Variants in TOPORS observed in about 807,000 individuals in gnomAD.
The protein encoded by TOPORS is E3 ubiquitin-protein ligase Topors.
In TOPORS, 25 loss-of-function variants were observed where a neutral mutation model predicts 81.4. The ratio of observed to expected loss-of-function variants is 0.31; its 90% CI spans 0.22 to 0.43. The LOEUF (loss-of-function observed/expected upper bound fraction) is 0.43, where lower values mean the gene tolerates loss of function less well. Among genes scored for constraint, TOPORS ranks in the 20% least tolerant of loss-of-function variants. The pLI is 1.00. For missense variants in TOPORS, 1,101 were observed against 1,267.0 expected, an observed-to-expected ratio of 0.87 and a Z score of 1.99; for synonymous variants, 473 against 456.6, an observed-to-expected ratio of 1.04 and a Z score of -0.46.
rs1179741418 is a variant in TOPORS at position 32,541,937 on chromosome 9, C to T, written c.2588G>A (p.Arg863Gln). The T allele has an allele frequency of 1.9e-6, 3 of 1,613,326 alleles. No individual in the cohort carries two copies. The highest frequency in any genetic ancestry group is 2.2e-5 in the East Asian group (1 of 44,886). The change falls in exon 3 of 3, where the codon CGG (arginine) becomes CAG (glutamine). Residue 863 changes from arginine to glutamine, a missense_variant. Arg to Gln is a conservative substitution (Grantham distance 43). Coordinates refer to ENST00000360538, the MANE Select transcript of TOPORS (RefSeq NM_005802.5). ...ATAAACTATCTCTACACTTAGGCTC[C>T]GGGTCTTCCTTTTTCTCCTTTTGTG... ...TKHKRRKRKT[R>Q]SLSVEIVYEG...
intron 2 of TOPORS, among the ~76,000 whole-genome samples, chr9:32,549,655 T>C (rs1821196160): frequency 6.6e-6 from 1 of 152,164 alleles, no homozygotes; most frequent in African/African-American, 2.4e-5. Context: ...ATTATATGGG[T>C]CCAGACAGAG....
rs1363689362 is a variant in TOPORS, at chr9:32,541,867, C to T, written c.2658G>A (p.Lys886=). The stretch of plus-strand genomic sequence containing the variant: ...TCTTATGCTTCTTCTTATGTTTCTT[C>T]TTTTTCTTTTTATGGTGTTTAGTTG... The part of the protein sequence containing the change: ...TDTTKHHKKK[K]KKHKKKHKKH... Residue 886 remains lysine (K), a synonymous_variant, in exon 3 of 3, where the codon AAG becomes AAA. Coordinates refer to ENST00000360538, the MANE Select transcript of TOPORS (RefSeq NM_005802.5). 1.2e-6 allele frequency: 2 copies of T among 1,613,936 alleles called. No homozygotes were observed. The highest frequency in any genetic ancestry group is 1.7e-6 in the Non-Finnish European group (2 of 1,180,006).
In TOPORS at chr9:32,552,558, C is replaced by G; in HGVS notation, c.-122G>C. 2 of 1,270,130 alleles carry G rather than the reference C, an allele frequency of 1.6e-6. No homozygotes were observed. Among genetic ancestry groups the G allele is most frequent in the Non-Finnish European group, 2.2e-6 (2 of 891,450 alleles). The allele number at this position is 1,270,130 out of a possible 1,614,324, so 78.7% of individuals were successfully genotyped here. A position where few individuals can be genotyped will look rare whatever the true frequency, so the allele number is the denominator to read the frequency against. On this transcript the variant is annotated 5_prime_UTR_variant, in exon 1 of 3. Coordinates refer to ENST00000360538, the MANE Select transcript of TOPORS (RefSeq NM_005802.5). Reference sequence around the variant, plus strand: ...CGGAAAGGCCCTATTTCTTCAGCACCCAGAAACTCCAAAATCCATTCCTGA... The same window carrying G: ...CGGAAAGGCCCTATTTCTTCAGCACGCAGAAACTCCAAAATCCATTCCTGA...
chr9:32,545,886 A>G (rs1563985195), intron 2 of TOPORS, among the ~76,000 whole-genome samples: 1 of 152,194 alleles, frequency 6.6e-6, no homozygotes, highest in Non-Finnish European at 1.5e-5. Context: ...TTAATCAAAT[A>G]ACAGAATTGT....
At position 32,542,871 on chromosome 9, in the gene TOPORS, A is replaced by C. The variant is rs760323202; in HGVS notation, c.1654T>G (p.Ser552Ala). Residue 552 changes from serine to alanine, a missense_variant, in exon 3 of 3, where the codon TCT becomes GCT. By Grantham distance (99) the Ser-to-Ala change is moderately conservative (BLOSUM62 1). Coordinates refer to ENST00000360538, the MANE Select transcript of TOPORS (RefSeq NM_005802.5). ...DEQINKGHCD[S>A]STRIKSKKEE... ...TTCTTTGATTTGATTCTTGTACTAGAATCACAATGACCTTTATTTATTTGT... is the reference window on the plus strand; with the variant it reads ...TTCTTTGATTTGATTCTTGTACTAGCATCACAATGACCTTTATTTATTTGT... 2 of 1,613,974 alleles carry C rather than the reference A, an allele frequency of 1.2e-6. No individual in the cohort carries two copies. The highest frequency in any genetic ancestry group is 2.7e-5 in the African/African-American group (2 of 74,910).
chr9:32,548,941 T>A (rs1033136872), intron 2 of TOPORS, among the ~76,000 whole-genome samples: 1 of 152,160 alleles, frequency 6.6e-6, no homozygotes, highest in Non-Finnish European at 1.5e-5. Flanking sequence ...TTCAGGAGAC[T>A]GGATATTTGA....
At position 32,541,342 on chromosome 9, in the gene TOPORS, T is replaced by C. The variant is rs1395270847; in HGVS notation, c.*45A>G. 1.9e-6 allele frequency: 3 copies of C among 1,599,392 alleles called. No homozygotes were observed. The South Asian group carries it at 3.3e-5, about 18-fold the overall frequency. On this transcript the variant is annotated 3_prime_UTR_variant, in exon 3 of 3. Transcript: ENST00000360538. Reference sequence around the variant, plus strand: ...TGCAGTAGACGACATTCTTCCTTTTTCCTTTTTATAACATCATAATTCTCA... The same window carrying C: ...TGCAGTAGACGACATTCTTCCTTTTCCCTTTTTATAACATCATAATTCTCA...
intron 2 of TOPORS, among the ~76,000 whole-genome samples, chr9:32,544,539 C>T (rs1289996054): frequency 6.6e-6 from 1 of 152,118 alleles, no homozygotes; most frequent in Non-Finnish European, 1.5e-5. Context: ...AGACTGAATC[C>T]TGGTTCCACA....
At chr9:32,550,693 C>G (rs1239598872) in intron 2 of TOPORS, 81 bp downstream of exon 2, 12 of 1,555,714 alleles carry the variant, frequency 7.7e-6, no homozygotes, top group Non-Finnish European at 9.7e-6. Context: ...CCCTCGGGTC[C>G]CGAGGCGCCG....
At chr9:32,547,038 AAAACAAACAAAC>A (rs56954545) in intron 2 of TOPORS, among the ~76,000 whole-genome samples, 2 of 150,978 alleles carry the variant, frequency 1.3e-5, no homozygotes, top group African/African-American at 2.4e-5. Context: ...ACCCTGTTTC[AAAACAAACAAAC>A]AAACAAACAA....
intron 2 of TOPORS, among the ~76,000 whole-genome samples, chr9:32,547,603 G>C (rs1376037951): frequency 1.3e-5 from 2 of 152,054 alleles, no homozygotes; most frequent in African/African-American, 4.8e-5. Flanking sequence ...AAATTCACAA[G>C]AACCCACATA....
intron 1 of TOPORS, 174 bp downstream of exon 1, chr9:32,552,260 A>G: frequency 1.2e-6 from 1 of 841,158 alleles, no homozygotes; most frequent in Non-Finnish European, 1.9e-6. Context: ...ATCACGTGAT[A>G]CCGCCCCCCA....
rs200003273 is a variant in TOPORS at position 32,550,822 on chromosome 9, C to T, written c.150G>A (p.Arg50=). The T allele has an allele frequency of 3.3e-5, 54 of 1,612,778 alleles. No individual in the cohort carries two copies. In the East Asian group the frequency reaches 8.2e-4, roughly 25 times the overall value. ...CRHRPSFLGC[R]ELAASAPARP... ...TGGCTGGGGCGCTCGCCGCGAGCTC[C>T]CGGCAGCCCAGAAAGCTAGGTCGGT... Residue 50 remains arginine, a synonymous_variant, in exon 2 of 3, where the codon CGG becomes CGA. Coordinates refer to ENST00000360538, the MANE Select transcript of TOPORS (RefSeq NM_005802.5).
At position 32,547,385 on chromosome 9, in the gene TOPORS, C is replaced by CA. The variant is rs748364652; in HGVS notation, c.199-3060dup. ...CAAGGGAAACGAAAACTTGTCCACACAAAAAAACTGTATATGAATATTCAC... is the reference window on the plus strand; with the variant it reads ...CAAGGGAAACGAAAACTTGTCCACACAAAAAAAACTGTATATGAATATTCAC... On this transcript the variant is annotated intron_variant, in intron 2 of 2. Transcript: ENST00000360538. 9.9e-5 allele frequency among the ~76,000 whole-genome samples: 15 copies of CA among 152,118 alleles called. No homozygotes were observed. The Middle Eastern group carries it at 0.01, about 104-fold the overall frequency.
In TOPORS at chr9:32,552,500, G is replaced by A. The variant is rs776476617; in HGVS notation, c.-64C>T. ...CAGTGGTAAGTCCCGGGGATCGCGG[G>A]CCCCCACCGTGTCGACTCACTGGGC... On this transcript the variant is annotated 5_prime_UTR_variant, in exon 1 of 3. Coordinates refer to ENST00000360538, the MANE Select transcript of TOPORS (RefSeq NM_005802.5). The A allele has an allele frequency of 1.6e-5, 25 of 1,572,646 alleles. No individual in the cohort carries two copies. Among genetic ancestry groups the A allele is most frequent in the Non-Finnish European group, 1.7e-5 (20 of 1,159,260 alleles).
In TOPORS at chr9:32,541,882, G is replaced by C. The variant is rs41302222; in HGVS notation, c.2643C>G (p.His881Gln). ...YEGKATDTTKHHKKKKKKHKK... is the reference protein window; with the variant it reads ...YEGKATDTTKQHKKKKKKHKK... The stretch of plus-strand genomic sequence containing the variant: ...TATGTTTCTTCTTTTTCTTTTTATG[G>C]TGTTTAGTTGTATCAGTAGCTTTTC... Residue 881 changes from histidine to glutamine, a missense_variant, in exon 3 of 3, where the codon CAC becomes CAG. His to Gln is a conservative substitution (Grantham distance 24). This residue lies in a region of TOPORS where 605 missense variants were observed against 636.1 expected (regional missense o/e 0.95). Coordinates refer to ENST00000360538, the MANE Select transcript of TOPORS (RefSeq NM_005802.5). 6,521 of 1,613,912 alleles carry C rather than the reference G, an allele frequency of 4.0e-3. 19 individuals carry two copies. The highest frequency in any genetic ancestry group is 4.9e-3 in the Non-Finnish European group (5,775 of 1,179,962).
chr9:32,550,543 G>A (rs1357075650), intron 2 of TOPORS, among the ~76,000 whole-genome samples: 1 of 152,206 alleles, frequency 6.6e-6, no homozygotes, highest in East Asian at 1.9e-4. Context: ...TACACGGCCA[G>A]GCTCGCGCCC....
At position 32,541,440 on chromosome 9, in the gene TOPORS, G is replaced by GCGAT; in HGVS notation, c.3081_3084dup (p.Pro1029IlefsTer13). On this transcript the variant is annotated frameshift_variant, in exon 3 of 3. Transcript: ENST00000360538. LOFTEE classifies it high-confidence loss of function. ...CATACTGACATTAATGATGTCCGTG[G>GCGAT]CGATGGCAATTGCCTTGATGGCTCA... The GCGAT allele has an allele frequency of 6.2e-7, 1 of 1,614,144 alleles. No homozygotes were observed. Among genetic ancestry groups the GCGAT allele is most frequent in the South Asian group, 1.1e-5 (1 of 91,084 alleles).
At chr9:32,549,140 T>C (rs1448982069) in intron 2 of TOPORS, among the ~76,000 whole-genome samples, 1 of 152,090 alleles carries the variant, frequency 6.6e-6, no homozygotes, top group African/African-American at 2.4e-5. Context: ...AAACCGTCTC[T>C]ACTAAAAATA....
Sources: gnomAD v4.1 joint callset for allele counts (sites outside exome capture counted in the v4.1 genomes callset) on GRCh38, gnomAD v4.1.1 for gene constraint, gnomAD v4.1.1 regional missense constraint, MANE v1.5 for transcripts, NCBI Gene and HGNC (gene_info 2026-07-23, HGNC 2026-07-21) for gene names.